The following TTC28 variants were observed in gnomAD, a reference collection of about 807,000 sequenced individuals.
TTC28 encodes tetratricopeptide repeat domain 28, also known as tetratricopeptide repeat protein 28.
A neutral mutation model predicts 198.0 loss-of-function variants in TTC28; 61 were observed. That is an observed-to-expected ratio of 0.31 (90% CI 0.25 to 0.38). TTC28 has a LOEUF of 0.38. TTC28 is among the 10% of genes least tolerant of loss of function. TTC28 has a pLI of 1.00. For missense variants in TTC28, 2,678 were observed against 3,164.0 expected (o/e 0.85, Z 3.69); for synonymous variants, 1,171 against 1,297.8 (o/e 0.90, Z 2.10).
At chr22:28,310,607 A>G (rs1272416651) in intron 2 of TTC28, among the ~76,000 whole-genome samples, 3 of 152,172 alleles carry the variant, frequency 2.0e-5, no homozygotes, top group Non-Finnish European at 4.4e-5. Flanking sequence ...TAACGAGGTA[A>G]ACTACCATGT....
intron 2 of TTC28, among the ~76,000 whole-genome samples, chr22:28,538,258 T>G (rs1024768385): frequency 5.3e-5 from 8 of 152,162 alleles, no homozygotes; most frequent in Middle Eastern, 3.4e-3. Flanking sequence ...CTAATTTTTT[T>G]TATATTTTGT....
In TTC28 at chr22:27,998,597, C is replaced by T; in HGVS notation, c.5062G>A (p.Glu1688Lys). The change falls in exon 16 of 23, where the codon GAG (glutamate) becomes AAG (lysine). Residue 1688 changes from glutamate (E) to lysine (K), a missense_variant. This residue lies in a region of TTC28 where 314 missense variants were observed against 442.7 expected (regional missense o/e 0.71). Coordinates refer to ENST00000397906, the MANE Select transcript of TTC28 (RefSeq NM_001145418.2). ...NGLKASAALG[E>K]AMKVVQSSKA... ...CTGCTCTGCACCACCTTCATGGCCT[C>T]CCCCAGGGCGGCGCTGGCTTTCAGG... 1 of 1,550,784 alleles carries T rather than the reference C, an allele frequency of 6.4e-7. No individual in the cohort carries two copies. The highest frequency in any genetic ancestry group is 8.7e-7 in the Non-Finnish European group (1 of 1,147,004).
chr22:28,341,575 T>C (rs993846342), intron 2 of TTC28, among the ~76,000 whole-genome samples: 1 of 152,070 alleles, frequency 6.6e-6, no homozygotes, highest in Non-Finnish European at 1.5e-5. Context: ...GTGGATCACT[T>C]GAGGTCAGGA....
chr22:28,383,390 T>A (rs1367553643), intron 2 of TTC28, among the ~76,000 whole-genome samples: 1 of 152,218 alleles, frequency 6.6e-6, no homozygotes, highest in African/African-American at 2.4e-5. Context: ...TTTCTACTTA[T>A]TATTTGTGAT....
chr22:28,532,839 CTT>C (rs749939052), intron 2 of TTC28, among the ~76,000 whole-genome samples: 34 of 152,140 alleles, frequency 2.2e-4, no homozygotes, highest in African/African-American at 2.9e-4. Flanking sequence ...CAGTAAAGGT[CTT>C]TGACAAAATT....
At chr22:27,992,295 T>C (rs927147682) in intron 19 of TTC28, among the ~76,000 whole-genome samples, 1 of 152,202 alleles carries the variant, frequency 6.6e-6, no homozygotes, top group Non-Finnish European at 1.5e-5. Flanking sequence ...GGGCCACAGC[T>C]GCCCATGACA....
At chr22:28,408,943 T>A (rs954685929) in intron 2 of TTC28, among the ~76,000 whole-genome samples, 1 of 152,248 alleles carries the variant, frequency 6.6e-6, no homozygotes, top group African/African-American at 2.4e-5. Flanking sequence ...CTTCAGATCA[T>A]GTTTCATTAT....
chr22:28,516,861 T>C (rs1395114426), intron 2 of TTC28, among the ~76,000 whole-genome samples: 1 of 152,320 alleles, frequency 6.6e-6, no homozygotes, highest in East Asian at 1.9e-4. Flanking sequence ...TGTATTCATA[T>C]ACATACGTGA....
intron 12 of TTC28, among the ~76,000 whole-genome samples, chr22:28,037,661 T>G (rs534417646): frequency 6.6e-6 from 1 of 152,296 alleles, no homozygotes; most frequent in East Asian, 1.9e-4. Context: ...TTGGAAGTTC[T>G]GGCCAGGGCA....
chr22:28,364,528 G>A (rs924426998), intron 2 of TTC28, among the ~76,000 whole-genome samples: 12 of 152,294 alleles, frequency 7.9e-5, no homozygotes, highest in Admixed American at 7.2e-4. Context: ...TATGGACAAA[G>A]TCAATTTAAA....
intron 2 of TTC28, among the ~76,000 whole-genome samples, chr22:28,390,672 C>CT: frequency 6.6e-6 from 1 of 152,084 alleles, no homozygotes; most frequent in South Asian, 2.1e-4. Flanking sequence ...CAACCCCTGC[C>CT]TTTTTTTGTT....
At chr22:28,658,508 G>C (rs1287415419) in intron 1 of TTC28, among the ~76,000 whole-genome samples, 1 of 152,200 alleles carries the variant, frequency 6.6e-6, no homozygotes, top group Non-Finnish European at 1.5e-5. Context: ...ATGGAAAATA[G>C]AATGGTGGCT....
chr22:28,060,211 T>C (rs1313031333), intron 12 of TTC28, among the ~76,000 whole-genome samples: 1 of 152,174 alleles, frequency 6.6e-6, no homozygotes, highest in Non-Finnish European at 1.5e-5. Flanking sequence ...ACTCATCATT[T>C]ACATTAGGTA....
At chr22:28,337,941 G>T (rs989097216) in intron 2 of TTC28, among the ~76,000 whole-genome samples, 2 of 152,148 alleles carry the variant, frequency 1.3e-5, no homozygotes, top group Non-Finnish European at 2.9e-5. Context: ...AGCCTCGATG[G>T]TCTTTACAAT....
At chr22:28,293,752 T>C (rs1180207926) in intron 5 of TTC28, among the ~76,000 whole-genome samples, 1 of 152,200 alleles carries the variant, frequency 6.6e-6, no homozygotes, top group Admixed American at 6.5e-5. Context: ...AATGGTACTT[T>C]ATAATTCCAG....
intron 2 of TTC28, among the ~76,000 whole-genome samples, chr22:28,390,151 T>C (rs1031456742): frequency 9.5e-4 from 144 of 152,306 alleles, no homozygotes; most frequent in Middle Eastern, 3.4e-3. Context: ...AGTTGAGCTG[T>C]TTTGAGTGAG....
chr22:28,124,202 GT>G (rs1320575448), intron 6 of TTC28, among the ~76,000 whole-genome samples: 1 of 135,894 alleles, frequency 7.4e-6, no homozygotes, highest in East Asian at 2.2e-4. Context: ...GTTGTTGTTT[GT>G]TTTTTGTTTT....
chr22:28,549,619 A>T (rs867848152), intron 2 of TTC28, among the ~76,000 whole-genome samples: 21 of 152,344 alleles, frequency 1.4e-4, no homozygotes, highest in South Asian at 6.2e-4. Flanking sequence ...TAAAGTTAAT[A>T]CATAATGATT....
intron 2 of TTC28, among the ~76,000 whole-genome samples, chr22:28,477,509 A>G (rs1435057485): frequency 1.3e-5 from 2 of 152,220 alleles, no homozygotes; most frequent in Non-Finnish European, 2.9e-5. Context: ...AATAAAATAC[A>G]AGGAAAAAAA....
Sources: allele counts gnomAD v4.1 joint callset (sites outside exome capture counted in the v4.1 genomes callset), GRCh38; gene constraint gnomAD v4.1.1; regional missense constraint gnomAD v4.1.1; transcripts MANE v1.5; gene names NCBI Gene and HGNC (gene_info 2026-07-23, HGNC 2026-07-21).